The following KIAA0825 variants were observed in gnomAD, a reference collection of about 807,000 sequenced individuals.
The protein encoded by KIAA0825 is uncharacterized protein KIAA0825.
A neutral mutation model predicts 147.6 loss-of-function variants in KIAA0825; 119 were observed. The observed-to-expected ratio is 0.81, with a 90% CI of 0.69 to 0.94. The LOEUF is 0.94. Among genes scored for constraint, KIAA0825 ranks in the 40% least tolerant of loss-of-function variants. The pLI is 0.00. For missense variants in KIAA0825, 1,381 were observed against 1,472.7 expected (o/e 0.94, Z 1.02); for synonymous variants, 470 against 518.1 (o/e 0.91, Z 1.26).
rs1268111443 is a variant in KIAA0825, at chr5:94,492,553, G to T, written c.971-7623C>A. Among the ~76,000 whole-genome samples the T allele has an allele frequency of 3.3e-5, 5 of 152,156 alleles. No homozygotes were observed. The East Asian group carries it at 9.6e-4, about 29-fold the overall frequency. On this transcript the variant is annotated intron_variant, in intron 5 of 20. Transcript: ENST00000682413. ...AAACTTTAAACTCCTTATAGGCAGA[G>T]ATCTTTTTCCCCCATGACTGCATTC...
chr5:94,234,398 T>TAAAAAA (rs1039697260), intron 20 of KIAA0825, among the ~76,000 whole-genome samples: 1 of 149,968 alleles, frequency 6.7e-6, no homozygotes, highest in Non-Finnish European at 1.5e-5. Flanking sequence ...AAAATAAAAA[T>TAAAAAA]AAAAAAATAA....
intron 5 of KIAA0825, among the ~76,000 whole-genome samples, chr5:94,514,922 G>A (rs1373029651): frequency 1.3e-5 from 2 of 152,108 alleles, no homozygotes; most frequent in African/African-American, 4.8e-5. Flanking sequence ...GTGTCTTAGA[G>A]GTGATTCAGG....
chr5:94,491,711 G>A (rs900414821), intron 5 of KIAA0825, among the ~76,000 whole-genome samples: 14 of 152,152 alleles, frequency 9.2e-5, no homozygotes, highest in African/African-American at 2.9e-4. Flanking sequence ...GACTAGAAAA[G>A]AATTTGGGGT....
At chr5:94,496,535 T>C (rs2151095823) in intron 5 of KIAA0825, among the ~76,000 whole-genome samples, 1 of 152,174 alleles carries the variant, frequency 6.6e-6, no homozygotes, top group Admixed American at 6.5e-5. Flanking sequence ...ATGACGGAGA[T>C]AAGAGTAATG....
At chr5:94,548,738 T>C (rs1305410080) in intron 2 of KIAA0825, among the ~76,000 whole-genome samples, 1 of 151,934 alleles carries the variant, frequency 6.6e-6, no homozygotes, top group East Asian at 1.9e-4. Context: ...TCCATGTCAA[T>C]GGAAACAAAC....
rs148558726 is a variant in KIAA0825, at chr5:94,444,085, A to G, written c.2358-3964T>C. ...AACAGACAAACTACATAGATCTGAG[A>G]GACAAGGGGTGAAAGTAGGAGCAGC... On this transcript the variant is annotated intron_variant, in intron 13 of 20. Coordinates refer to ENST00000682413, the MANE Select transcript of KIAA0825 (RefSeq NM_001145678.3). Among the ~76,000 whole-genome samples the G allele has an allele frequency of 3.3e-5, 5 of 152,278 alleles. No individual in the cohort carries two copies. The East Asian group carries it at 9.6e-4, about 29-fold the overall frequency.
chr5:94,566,980 G>A (rs917899294), intron 2 of KIAA0825, among the ~76,000 whole-genome samples: 9 of 151,912 alleles, frequency 5.9e-5, no homozygotes, highest in South Asian at 2.1e-4. Flanking sequence ...TATTTTGAAC[G>A]GTTTGCTAAA....
intron 20 of KIAA0825, among the ~76,000 whole-genome samples, chr5:94,235,647 C>T (rs191109539): frequency 1.0e-3 from 154 of 152,276 alleles, no homozygotes; most frequent in Middle Eastern, 3.4e-3. Flanking sequence ...TGGAAGAAGA[C>T]GCCATTTAGG....
At position 94,187,738 on chromosome 5, in the gene KIAA0825, T is replaced by TA. The variant is rs1175127204; in HGVS notation, c.3711-33615dup. Reference sequence around the variant, plus strand: ...CCGCGCCAGACCGGGAGTTATTTTTTAAAAAACAAATTCCAAGGCCTAAAC... The same window carrying TA: ...CCGCGCCAGACCGGGAGTTATTTTTTAAAAAAACAAATTCCAAGGCCTAAAC... On this transcript the variant is annotated intron_variant, in intron 20 of 20. Coordinates refer to ENST00000682413, the MANE Select transcript of KIAA0825 (RefSeq NM_001145678.3). Among the ~76,000 whole-genome samples, 23 of 152,194 alleles carry TA rather than the reference T, an allele frequency of 1.5e-4. No individual in the cohort carries two copies. The South Asian group carries it at 1.7e-3, about 11-fold the overall frequency.
intron 20 of KIAA0825, among the ~76,000 whole-genome samples, chr5:94,278,544 G>A (rs1435289420): frequency 1.3e-5 from 2 of 151,934 alleles, no homozygotes; most frequent in Non-Finnish European, 2.9e-5. Context: ...TTTAAAAAAT[G>A]ACATGGATTG....
At chr5:94,176,648 A>T (rs2149964044) in intron 20 of KIAA0825, among the ~76,000 whole-genome samples, 1 of 152,240 alleles carries the variant, frequency 6.6e-6, no homozygotes, top group Non-Finnish European at 1.5e-5. Flanking sequence ...AGCATAAAAA[A>T]AATCTGCCAT....
At chr5:94,421,764 G>C (rs896635251) in intron 14 of KIAA0825, among the ~76,000 whole-genome samples, 1 of 152,002 alleles carries the variant, frequency 6.6e-6, no homozygotes, top group Non-Finnish European at 1.5e-5. Context: ...TATGTATCCA[G>C]ACTTATAATT....
chr5:94,603,656 A>G (rs1472378629), intron 1 of KIAA0825, among the ~76,000 whole-genome samples: 1 of 152,178 alleles, frequency 6.6e-6, no homozygotes, highest in Non-Finnish European at 1.5e-5. Flanking sequence ...CCAAGACCCA[A>G]TTGTATGCTG....
At chr5:94,160,916 C>CT (rs950745300) in intron 20 of KIAA0825, among the ~76,000 whole-genome samples, 14 of 152,088 alleles carry the variant, frequency 9.2e-5, no homozygotes, top group Non-Finnish European at 1.8e-4. Flanking sequence ...CTGTTTCCTT[C>CT]TTTCTGCTGT....
chr5:94,188,761 G>A (rs975016058), intron 20 of KIAA0825, among the ~76,000 whole-genome samples: 4 of 152,070 alleles, frequency 2.6e-5, no homozygotes, highest in African/African-American at 9.7e-5. Context: ...GCATGGACAT[G>A]TATTTTTACT....
intron 20 of KIAA0825, among the ~76,000 whole-genome samples, chr5:94,323,618 C>T (rs1780410626): frequency 6.6e-6 from 1 of 151,552 alleles, no homozygotes; most frequent in Non-Finnish European, 1.5e-5. Flanking sequence ...TGGCAAGACA[C>T]TCCGTTTAAA....
rs1786557696 is a variant in KIAA0825, at chr5:94,602,021, T to C, written c.-153+16479A>G. ...ACAACCTTGCTAGATAGGCCAACATTCAAATTCAGGAAATGCAGAGAACCC... is the reference window on the plus strand; with the variant it reads ...ACAACCTTGCTAGATAGGCCAACATCCAAATTCAGGAAATGCAGAGAACCC... On this transcript the variant is annotated intron_variant, in intron 1 of 20. Coordinates refer to ENST00000682413, the MANE Select transcript of KIAA0825 (RefSeq NM_001145678.3). Among the ~76,000 whole-genome samples the C allele has an allele frequency of 2.0e-5, 3 of 152,182 alleles. No homozygotes were observed. The South Asian group carries it at 6.2e-4, about 32-fold the overall frequency.
intron 5 of KIAA0825, among the ~76,000 whole-genome samples, chr5:94,485,415 G>A (rs1762932874): frequency 6.6e-6 from 1 of 151,708 alleles, no homozygotes; most frequent in Non-Finnish European, 1.5e-5. Context: ...ATCAGCATTT[G>A]ATTTTCATAT....
chr5:94,264,460 G>A (rs1776651315), intron 20 of KIAA0825, among the ~76,000 whole-genome samples: 1 of 152,150 alleles, frequency 6.6e-6, no homozygotes, highest in Non-Finnish European at 1.5e-5. Flanking sequence ...AACTTTGTCA[G>A]ACTGGCAATT....
Sources: allele counts gnomAD v4.1 joint callset (sites outside exome capture counted in the v4.1 genomes callset), GRCh38; gene constraint gnomAD v4.1.1; transcripts MANE v1.5; gene names NCBI Gene and HGNC (gene_info 2026-07-23, HGNC 2026-07-21).